The following FSTL4 variants were observed in gnomAD, a reference collection of about 807,000 sequenced individuals.
FSTL4 encodes follistatin like 4.
A neutral mutation model predicts 78.2 loss-of-function variants in FSTL4; 28 were observed. That is an observed-to-expected ratio of 0.36 (90% CI 0.27 to 0.49). The LOEUF (loss-of-function observed/expected upper bound fraction) is 0.49. Ranked by LOEUF, FSTL4 falls within the 20% of genes least tolerant of loss-of-function variation. FSTL4 has a pLI of 0.98. For synonymous variants in FSTL4, 422 were observed against 440.5 expected, an observed-to-expected ratio of 0.96 and a Z score of 0.53; for missense variants, 922 against 1,084.9, an observed-to-expected ratio of 0.85 and a Z score of 2.11.
intron 3 of FSTL4, among the ~76,000 whole-genome samples, chr5:133,538,390 A>G (rs1459707048): frequency 6.6e-6 from 1 of 152,202 alleles, no homozygotes; most frequent in East Asian, 1.9e-4. Context: ...CAAGAGGCAT[A>G]TGATGTTGAT....
chr5:133,734,164 G>A, the FSTL4 span, among the ~76,000 whole-genome samples: 1 of 152,292 alleles, frequency 6.6e-6, no homozygotes, highest in Admixed American at 6.5e-5. Context: ...ATCCTCTGAA[G>A]GAAAGAGTGT....
At chr5:133,765,495 C>A in the FSTL4 span, among the ~76,000 whole-genome samples, 1 of 152,224 alleles carries the variant, frequency 6.6e-6, no homozygotes, top group African/African-American at 2.4e-5. Flanking sequence ...CAGCAAGGGA[C>A]ACCTCACTGA....
chr5:133,577,620 G>A (rs1760312133), intron 2 of FSTL4, among the ~76,000 whole-genome samples: 3 of 152,214 alleles, frequency 2.0e-5, no homozygotes, highest in African/African-American at 7.2e-5. Flanking sequence ...CATCTTCCCA[G>A]AAGACCAGAT....
intron 6 of FSTL4, among the ~76,000 whole-genome samples, chr5:133,286,651 C>T (rs866053988): frequency 6.6e-6 from 1 of 152,180 alleles, no homozygotes; most frequent in African/African-American, 2.4e-5. Flanking sequence ...CACTATGCAT[C>T]TGAAGCAAGG....
intron 3 of FSTL4, among the ~76,000 whole-genome samples, chr5:133,559,069 A>G (rs1759860128): frequency 6.6e-6 from 1 of 152,264 alleles, no homozygotes; most frequent in South Asian, 2.1e-4. Flanking sequence ...GCTTTAAAAG[A>G]TGAACTCATT....
At chr5:133,581,348 G>C (rs112870120) in intron 2 of FSTL4, among the ~76,000 whole-genome samples, 7 of 152,294 alleles carry the variant, frequency 4.6e-5, no homozygotes, top group African/African-American at 1.4e-4. Context: ...TCCTCACGTA[G>C]GATGCACCAT....
chr5:133,569,182 C>T (rs1183599426), intron 2 of FSTL4, among the ~76,000 whole-genome samples: 1 of 152,004 alleles, frequency 6.6e-6, no homozygotes, highest in Non-Finnish European at 1.5e-5. Context: ...TTTGGGGTTT[C>T]CATTTGAGTA....
At chr5:133,595,889 G>A (rs180713682) in intron 2 of FSTL4, among the ~76,000 whole-genome samples, 8 of 152,324 alleles carry the variant, frequency 5.3e-5, no homozygotes, top group East Asian at 1.9e-4. Context: ...TTTAGCCTCC[G>A]GGGCCCTCTG....
the FSTL4 span, among the ~76,000 whole-genome samples, chr5:133,649,075 T>C: frequency 0.22 from 33,238 of 152,156 alleles, 3,864 homozygotes; most frequent in Admixed American, 0.29. Flanking sequence ...CCTGTCTCTA[T>C]AGTTTTGCCT....
chr5:133,286,509 A>G (rs1753132571), intron 6 of FSTL4, among the ~76,000 whole-genome samples: 1 of 152,172 alleles, frequency 6.6e-6, no homozygotes, highest in African/African-American at 2.4e-5. Flanking sequence ...TTCAATCTTG[A>G]CAAAAACCTT....
chr5:133,509,306 A>C (rs566154742), intron 3 of FSTL4, among the ~76,000 whole-genome samples: 1 of 152,220 alleles, frequency 6.6e-6, no homozygotes, highest in Admixed American at 6.5e-5. Flanking sequence ...CAAGAGACAG[A>C]AACCTCCTCT....
chr5:133,413,728 C>G (rs1050471200), intron 3 of FSTL4, among the ~76,000 whole-genome samples: 4 of 152,014 alleles, frequency 2.6e-5, no homozygotes, highest in African/African-American at 7.2e-5. Context: ...CATTTCCCAT[C>G]TTTGGTTTTT....
chr5:133,352,416 A>G (rs1754852432), intron 4 of FSTL4, among the ~76,000 whole-genome samples: 1 of 151,426 alleles, frequency 6.6e-6, no homozygotes, highest in African/African-American at 2.4e-5. Context: ...ATATATATAT[A>G]TGGTTTTCTT....
At chr5:133,462,336 C>T (rs1757609847) in intron 3 of FSTL4, among the ~76,000 whole-genome samples, 1 of 152,230 alleles carries the variant, frequency 6.6e-6, no homozygotes, top group Admixed American at 6.5e-5. Context: ...CTGGAGAATT[C>T]CTAGGAAATA....
chr5:133,672,516 T>G, the FSTL4 span, among the ~76,000 whole-genome samples: 2 of 152,214 alleles, frequency 1.3e-5, no homozygotes, highest in South Asian at 4.1e-4. Flanking sequence ...CTCTTATTCA[T>G]GAATGTATGA....
At chr5:133,438,276 G>A (rs755035353) in intron 3 of FSTL4, among the ~76,000 whole-genome samples, 23 of 152,178 alleles carry the variant, frequency 1.5e-4, no homozygotes, top group Non-Finnish European at 3.2e-4. Flanking sequence ...TCCAAATACT[G>A]CTCCATTATC....
chr5:133,552,682 T>C (rs1580784290), intron 3 of FSTL4, among the ~76,000 whole-genome samples: 1 of 152,286 alleles, frequency 6.6e-6, no homozygotes, highest in Non-Finnish European at 1.5e-5. Context: ...ACCTGTCATA[T>C]GAAACAAATA....
intron 2 of FSTL4, among the ~76,000 whole-genome samples, chr5:133,573,044 A>G (rs1278009777): frequency 6.6e-6 from 1 of 152,136 alleles, no homozygotes; most frequent in African/African-American, 2.4e-5. Flanking sequence ...GGAGATCGAG[A>G]CCATCCTGGC....
intron 3 of FSTL4, among the ~76,000 whole-genome samples, chr5:133,437,205 G>T (rs1341387821): frequency 2.0e-5 from 3 of 152,178 alleles, no homozygotes; most frequent in Admixed American, 2.0e-4. Flanking sequence ...TGGACATTCT[G>T]AGTTTTAGTT....
Sources: allele counts gnomAD v4.1 joint callset (sites outside exome capture counted in the v4.1 genomes callset), GRCh38; gene constraint gnomAD v4.1.1; transcripts MANE v1.5; gene names NCBI Gene and HGNC (gene_info 2026-07-23, HGNC 2026-07-21).